PDCD11: variants seen among roughly 807,000 people sequenced by gnomAD.
PDCD11 encodes the protein programmed cell death 11.
Under a neutral mutation model 198.9 loss-of-function variants are expected in PDCD11, and 97 were observed. The ratio of observed to expected loss-of-function variants is 0.49; its 90% CI spans 0.41 to 0.58. The LOEUF is 0.58. Ranked by LOEUF, PDCD11 falls within the 20% of genes least tolerant of loss-of-function variation. The pLI is 0.00. For missense variants in PDCD11, 2,102 were observed against 2,312.7 expected, an observed-to-expected ratio of 0.91 and a Z score of 1.87; for synonymous variants, 893 against 918.0, an observed-to-expected ratio of 0.97 and a Z score of 0.49.
At chr10:103,441,720 G>A (rs575549864) in intron 30 of PDCD11, 106 bp from the exon 31 acceptor site, 28 of 1,008,918 alleles carry the variant, frequency 2.8e-5, no homozygotes, top group South Asian at 2.5e-4. Context: ...GAGAGGAGGG[G>A]TCTCTGGGCT....
chr10:103,442,495 G>A (rs1303782390), intron 32 of PDCD11, 35 bp downstream of exon 32: 7 of 1,599,074 alleles, frequency 4.4e-6, no homozygotes, highest in Non-Finnish European at 5.1e-6. Flanking sequence ...CAGTGTCTTC[G>A]CACGTTCTGG....
At position 103,439,929 on chromosome 10, in the gene PDCD11, C is replaced by A. The variant is rs2032308908; in HGVS notation, c.4148+61C>A. ...TGAATCAAACCCCTTTCTCCAGGAG[C>A]CCTGGGAGGAGATTTCAGGGTGAAC... On this transcript the variant is annotated intron_variant, in intron 28 of 35. Coordinates refer to ENST00000369797, the MANE Select transcript of PDCD11 (RefSeq NM_014976.2). The A allele has an allele frequency of 3.8e-6, 6 of 1,593,042 alleles. No homozygotes were observed. In the South Asian group the frequency reaches 6.6e-5, roughly 18 times the overall value.
intron 15 of PDCD11, 142 bp downstream of exon 15, chr10:103,418,776 GA>G: frequency 1.4e-6 from 1 of 705,428 alleles, no homozygotes. Context: ...CTGTGCTATG[GA>G]AAGTAAGAGC....
intron 4 of PDCD11, among the ~76,000 whole-genome samples, chr10:103,404,208 C>CT (rs2030298561): frequency 1.3e-5 from 2 of 151,808 alleles, no homozygotes; most frequent in African/African-American, 4.8e-5. Flanking sequence ...AGGCTGGTCT[C>CT]TAACTCCTGA....
intron 14 of PDCD11, 40 bp from the exon 15 acceptor site, chr10:103,418,400 C>A: frequency 6.6e-7 from 1 of 1,526,554 alleles, no homozygotes; most frequent in Non-Finnish European, 9.0e-7. Flanking sequence ...GTTCTCTGTT[C>A]ATGACAAGTG....
In PDCD11 at chr10:103,422,246, A is replaced by C. The variant is rs373842406; in HGVS notation, c.2497+679A>C. Among the ~76,000 whole-genome samples, 4 of 151,110 alleles carry C rather than the reference A, an allele frequency of 2.6e-5. No homozygotes were observed. The East Asian group carries it at 7.8e-4, about 29-fold the overall frequency. ...CAGGCATCTGCCACCATGTCTGGCT[A>C]ATTTTTGTATTTTTAGAGAAGACAG... is the stretch of plus-strand genomic sequence containing the variant. On this transcript the variant is annotated intron_variant, in intron 17 of 35. Transcript: ENST00000369797.
At chr10:103,429,604 AGTAATTTTTTACAGTAAAAAATTACT>A (rs1455724246) in intron 21 of PDCD11, among the ~76,000 whole-genome samples, 2 of 152,102 alleles carry the variant, frequency 1.3e-5, no homozygotes, top group South Asian at 2.1e-4. Flanking sequence ...ATCACAGATG[AGTAATTTTTTACAGTAAAAAATTACT>A]GTAATTTTTA....
chr10:103,444,437 C>A, intron 34 of PDCD11, 80 bp from the exon 35 acceptor site: 1 of 1,341,306 alleles, frequency 7.5e-7, no homozygotes, highest in South Asian at 1.2e-5. Context: ...GAGTCAGGTG[C>A]ACGCTGACCC....
At chr10:103,414,234 T>C in intron 10 of PDCD11, 36 bp from the exon 11 acceptor site, 7 of 1,600,850 alleles carry the variant, frequency 4.4e-6, no homozygotes, top group Non-Finnish European at 4.3e-6. Context: ...ACCTCTGCCC[T>C]AGTTTATTTA....
chr10:103,432,141 T>A lies in PDCD11; in HGVS notation c.3381T>A (p.Asp1127Glu). The change falls in exon 22 of 36, where the codon GAT becomes GAA. Residue 1127 changes from aspartate (D) to glutamate (E), a missense_variant. Transcript: ENST00000369797. ...ELSVRPSELEDGHTALNTHSV... is the reference protein window; with the variant it reads ...ELSVRPSELEEGHTALNTHSV... ...TTTCTGCAAACAGTGAGCTGGAGGA[T>A]GGCCACACTGCTCTTAACACTCACT... The A allele has an allele frequency of 1.2e-6, 2 of 1,613,090 alleles. No homozygotes were observed. The highest frequency in any genetic ancestry group is 1.7e-6 in the Non-Finnish European group (2 of 1,179,054).
intron 21 of PDCD11, among the ~76,000 whole-genome samples, chr10:103,428,127 G>A (rs1433932849): frequency 2.0e-5 from 3 of 152,002 alleles, no homozygotes; most frequent in African/African-American, 7.2e-5. Flanking sequence ...CCAACATGGC[G>A]AAACCCCATC....
rs774086602 is a variant in PDCD11, at chr10:103,423,128, C to CA, written c.2639dup (p.His880GlnfsTer21). 9.5e-6 allele frequency: 15 copies of CA among 1,579,496 alleles called. No homozygotes were observed. Among genetic ancestry groups the CA allele is most frequent in the African/African-American group, 1.4e-5 (1 of 73,514 alleles). The stretch of plus-strand genomic sequence containing the variant: ...CCTGGTCCTGAAAGCCAGCAGATAC[C>CA]ATCGCGCAGGTGAGTGCTTCTGTCT... On this transcript the variant is annotated frameshift_variant, in exon 18 of 36. Coordinates refer to ENST00000369797, the MANE Select transcript of PDCD11 (RefSeq NM_014976.2). LOFTEE classifies it high-confidence loss of function.
intron 32 of PDCD11, 118 bp from the exon 33 acceptor site, chr10:103,443,047 G>GA: frequency 2.5e-6 from 2 of 809,090 alleles, no homozygotes; most frequent in Non-Finnish European, 3.8e-6. Flanking sequence ...CATTTGGGGT[G>GA]GGATCTGAGG....
intron 22 of PDCD11, among the ~76,000 whole-genome samples, chr10:103,433,148 T>C (rs371683769): frequency 1.3e-5 from 2 of 152,206 alleles, no homozygotes; most frequent in South Asian, 2.1e-4. Flanking sequence ...TATGATGCCA[T>C]GTGCATAGTA....
chr10:103,434,295 G>T lies in PDCD11; in HGVS notation c.3612G>T (p.Arg1204Ser), dbSNP rs572177739. Residue 1204 changes from arginine to serine, a missense_variant, in exon 24 of 36, where the codon AGG (arginine) becomes AGT (serine). Transcript: ENST00000369797. ...DKKFRVGQAL[R>S]ATVVGPDSSK... ...AGTTCCGGGTTGGCCAGGCCCTGAG[G>T]GCCACCGTTGTTGGCCCAGATTCCT... is the stretch of plus-strand genomic sequence containing the variant. The T allele has an allele frequency of 7.4e-6, 12 of 1,613,988 alleles. No homozygotes were observed. The South Asian group carries it at 1.1e-4, about 15-fold the overall frequency.
intron 8 of PDCD11, among the ~76,000 whole-genome samples, chr10:103,411,464 C>T (rs2030803125): frequency 6.6e-6 from 1 of 152,166 alleles, no homozygotes; most frequent in Non-Finnish European, 1.5e-5. Context: ...CTCCTGGGTT[C>T]AGGCGATCCT....
In PDCD11 at chr10:103,420,853, T is replaced by G. The variant is rs192000800; in HGVS notation, c.2278-495T>G. On this transcript the variant is annotated intron_variant, in intron 16 of 35. Transcript: ENST00000369797. ...GCCCTCTCCTGGAGGCTCTGTTTTT[T>G]TTGTTGTTGTTGTTTGTTTTTGTTT... Among the ~76,000 whole-genome samples the G allele has an allele frequency of 7.4e-3, 1,117 of 151,732 alleles. 16 individuals are homozygous for G. Among genetic ancestry groups the G allele is most frequent in the South Asian group, 0.065 (312 of 4,792 alleles).
chr10:103,425,292 T>C lies in PDCD11; in HGVS notation c.3072T>C (p.Thr1024=), dbSNP rs749174826. ...DEDEEVDPAL[T]VGTIKKHTLS... ...ATGAAGAAGTGGATCCAGCTCTGAC[T>C]GTAGGGACCATAAAGAAGCACACCC... is the stretch of plus-strand genomic sequence containing the variant. The change falls in exon 20 of 36, where the codon ACT becomes ACC. Residue 1024 remains threonine, a synonymous_variant. Coordinates refer to ENST00000369797, the MANE Select transcript of PDCD11 (RefSeq NM_014976.2). 2.5e-6 allele frequency: 4 copies of C among 1,614,048 alleles called. No homozygotes were observed. The highest frequency in any genetic ancestry group is 3.4e-6 in the Non-Finnish European group (4 of 1,180,034).
rs1186610408 is a variant in PDCD11 at position 103,442,414 on chromosome 10, A to G, written c.4909A>G (p.Lys1637Glu). 1 of 1,614,158 alleles carries G rather than the reference A, an allele frequency of 6.2e-7. No individual in the cohort carries two copies. Residue 1637 changes from lysine (K) to glutamate (E), a missense_variant, in exon 32 of 36, where the codon AAG becomes GAG. Lys to Glu is a moderately conservative substitution (Grantham distance 56, BLOSUM62 1). Transcript: ENST00000369797. ...CCACCTGCAGGCCACGGAGATCGAG[A>G]AGGCCCGTGCCGTGGCTGAGAGGGC... ...AFHLQATEIE[K>E]ARAVAERALK...
Sources: gnomAD v4.1 joint callset for allele counts (sites outside exome capture counted in the v4.1 genomes callset) on GRCh38, gnomAD v4.1.1 for gene constraint, MANE v1.5 for transcripts, NCBI Gene and HGNC (gene_info 2026-07-23, HGNC 2026-07-21) for gene names.